The following DLGAP5 variants were observed in gnomAD, a reference collection of about 807,000 sequenced individuals.
DLGAP5 encodes the protein disks large-associated protein 5.
A neutral mutation model predicts 99.6 loss-of-function variants in DLGAP5; 90 were observed. The ratio of observed to expected loss-of-function variants is 0.90; its 90% confidence interval spans 0.76 to 1.08. The LOEUF is 1.08. DLGAP5 is among the 50% of genes least tolerant of loss of function. DLGAP5 has a pLI of 0.00. For missense variants in DLGAP5, 1,036 were observed against 983.5 expected, an observed-to-expected ratio of 1.05 and a Z score of -0.71; for synonymous variants, 311 against 321.3, an observed-to-expected ratio of 0.97 and a Z score of 0.34.
chr14:55,169,547 A>T lies in DLGAP5; in HGVS notation c.1400T>A (p.Ile467Asn). 6.3e-7 allele frequency: 1 copy of T among 1,587,064 alleles called. No homozygotes were observed. Among genetic ancestry groups the T allele is most frequent in the Non-Finnish European group, 8.5e-7 (1 of 1,173,140 alleles). Residue 467 changes from isoleucine (I) to asparagine (N), a missense_variant, in exon 12 of 19, where the codon ATT becomes AAT. By Grantham distance (149) the Ile-to-Asn change is moderately radical (BLOSUM62 -3). Coordinates refer to ENST00000247191, the MANE Select transcript of DLGAP5 (RefSeq NM_014750.5). ...LDIPDDAKDLIRTAVGQTRLL... is the reference protein window; with the variant it reads ...LDIPDDAKDLNRTAVGQTRLL... ...TCTTGTTTGACCAACTGCTGTGCGA[A>T]TAAGATCTTTAGCTGAAGGAAATAA...
In DLGAP5 at chr14:55,156,008, G is replaced by A. The variant is rs374411802; in HGVS notation, c.1874-1202C>T. Among the ~76,000 whole-genome samples, 27 of 151,870 alleles carry A rather than the reference G, an allele frequency of 1.8e-4. No homozygotes were observed. The South Asian group carries it at 3.1e-3, about 18-fold the overall frequency. On this transcript the variant is annotated intron_variant, in intron 14 of 18. Transcript: ENST00000247191. ...TGGGAGGCTGAGGTAGGAGAATGGCGTGAACCCAGGAGGCGGAGCTTGCAG... is the reference window on the plus strand; with the variant it reads ...TGGGAGGCTGAGGTAGGAGAATGGCATGAACCCAGGAGGCGGAGCTTGCAG...
intron 11 of DLGAP5, 37 bp from the exon 12 acceptor site, chr14:55,169,596 A>G: frequency 6.7e-7 from 1 of 1,498,094 alleles, no homozygotes; most frequent in Non-Finnish European, 8.9e-7. Context: ...ATTAAAGGAC[A>G]AAACGGGACA....
intron 2 of DLGAP5, among the ~76,000 whole-genome samples, chr14:55,188,302 A>G (rs1158743494): frequency 6.6e-6 from 1 of 152,026 alleles, no homozygotes; most frequent in African/African-American, 2.4e-5. Flanking sequence ...CTCTATTTTC[A>G]TCTTTTTCTG....
intron 2 of DLGAP5, among the ~76,000 whole-genome samples, chr14:55,185,011 A>C (rs1020552547): frequency 6.6e-6 from 1 of 152,172 alleles, no homozygotes; most frequent in East Asian, 1.9e-4. Flanking sequence ...TCACCTACTC[A>C]AGGACATTCT....
intron 13 of DLGAP5, among the ~76,000 whole-genome samples, chr14:55,160,947 A>C (rs909120610): frequency 6.8e-6 from 1 of 147,622 alleles, no homozygotes; most frequent in Non-Finnish European, 1.5e-5. Context: ...GGGGTGTACA[A>C]GTAATTAAAG....
intron 2 of DLGAP5, among the ~76,000 whole-genome samples, chr14:55,186,545 C>G (rs1883443281): frequency 6.6e-6 from 1 of 152,148 alleles, no homozygotes; most frequent in South Asian, 2.1e-4. Context: ...GTCTTACTGA[C>G]AAAAGGTAGT....
At chr14:55,174,034 C>T (rs958688939) in intron 10 of DLGAP5, among the ~76,000 whole-genome samples, 3 of 152,176 alleles carry the variant, frequency 2.0e-5, no homozygotes, top group Admixed American at 6.5e-5. Flanking sequence ...CTCTGGCCGC[C>T]GGTGAGCCGG....
At chr14:55,175,227 C>A in intron 10 of DLGAP5, 119 bp downstream of exon 10, 2 of 806,850 alleles carry the variant, frequency 2.5e-6, no homozygotes, top group Non-Finnish European at 3.9e-6. Context: ...AAAATTTAAA[C>A]GTGAAAATCA....
chr14:55,161,659 C>T (rs1278780669), intron 13 of DLGAP5, among the ~76,000 whole-genome samples: 3 of 151,170 alleles, frequency 2.0e-5, no homozygotes, highest in Non-Finnish European at 4.4e-5. Context: ...ATCTGCCCGC[C>T]TCAGCCGCCC....
rs1882026372 is a variant in DLGAP5 at position 55,151,751 on chromosome 14, T to C, written c.2312A>G (p.Asn771Ser). Reference sequence around the variant, plus strand: ...TAAGATGCTATTTTGTGAAGCTGTATTTTTTTCAGGGCTACTCATCAAAAC... The same window carrying C: ...TAAGATGCTATTTTGTGAAGCTGTACTTTTTTCAGGGCTACTCATCAAAAC... Reference protein sequence around the residue: ...QDVLMSSPEKNTASQNSILEE... With the variant: ...QDVLMSSPEKSTASQNSILEE... The change falls in exon 17 of 19, where the codon AAT becomes AGT. Residue 771 changes from asparagine to serine, a missense_variant. By Grantham distance (46) the Asn-to-Ser change is conservative. Coordinates refer to ENST00000247191, the MANE Select transcript of DLGAP5 (RefSeq NM_014750.5). The C allele has an allele frequency of 6.2e-7, 1 of 1,613,922 alleles. No homozygotes were observed. The highest frequency in any genetic ancestry group is 1.7e-5 in the Admixed American group (1 of 60,020).
At chr14:55,173,355 C>G (rs1263841703) in intron 10 of DLGAP5, among the ~76,000 whole-genome samples, 1 of 150,678 alleles carries the variant, frequency 6.6e-6, no homozygotes, top group South Asian at 2.1e-4. Context: ...GAGCTCAGGA[C>G]AGAGAGGCTG....
rs1407886020 is a variant in DLGAP5 at position 55,169,556 on chromosome 14, T to G, written c.1391A>C (p.Lys464Thr). The change falls in exon 12 of 19, where the codon AAA (lysine) becomes ACA (threonine). Residue 464 changes from lysine (K) to threonine (T), a missense_variant. Coordinates refer to ENST00000247191, the MANE Select transcript of DLGAP5 (RefSeq NM_014750.5). ...KLELDIPDDA[K>T]DLIRTAVGQT... The stretch of plus-strand genomic sequence containing the variant: ...ACCAACTGCTGTGCGAATAAGATCT[T>G]TAGCTGAAGGAAATAAGAGATTTTT... 1 of 1,582,236 alleles carries G rather than the reference T, an allele frequency of 6.3e-7. No individual in the cohort carries two copies. The highest frequency in any genetic ancestry group is 2.0e-5 in the Admixed American group (1 of 49,406).
At chr14:55,188,022 G>A (rs1883486821) in intron 2 of DLGAP5, among the ~76,000 whole-genome samples, 1 of 152,130 alleles carries the variant, frequency 6.6e-6, no homozygotes, top group South Asian at 2.1e-4. Flanking sequence ...ATAGCATACT[G>A]AGATAGTTAG....
Position 55,159,960 on chromosome 14 carries a change from T to C in DLGAP5, c.1654-1219A>G, listed in dbSNP as rs192581538. Among the ~76,000 whole-genome samples, 15 of 152,330 alleles carry C rather than the reference T, an allele frequency of 9.8e-5. No individual in the cohort carries two copies. The East Asian group carries it at 2.5e-3, about 25-fold the overall frequency. ...GCTCACAACTGTAATCCCCGCACTT[T>C]GGGAGGCTGAGGCAGGAGGATCACT... On this transcript the variant is annotated intron_variant, in intron 13 of 18. Coordinates refer to ENST00000247191, the MANE Select transcript of DLGAP5 (RefSeq NM_014750.5).
At chr14:55,157,920 G>C (rs1882269502) in intron 14 of DLGAP5, among the ~76,000 whole-genome samples, 1 of 152,084 alleles carries the variant, frequency 6.6e-6, no homozygotes, top group Non-Finnish European at 1.5e-5. Flanking sequence ...GTACTGCCAG[G>C]CTCGGTTAAT....
intron 12 of DLGAP5, among the ~76,000 whole-genome samples, chr14:55,168,311 C>T (rs971345575): frequency 6.6e-6 from 1 of 152,160 alleles, no homozygotes; most frequent in Admixed American, 6.6e-5. Flanking sequence ...TCTCATATTG[C>T]TTAACTTCAA....
intron 12 of DLGAP5, among the ~76,000 whole-genome samples, chr14:55,163,335 G>A (rs888741263): frequency 6.6e-6 from 1 of 152,116 alleles, no homozygotes; most frequent in Admixed American, 6.5e-5. Flanking sequence ...TGACTAAAAT[G>A]CTAAAATGGT....
Position 55,152,685 on chromosome 14 carries a change from T to C in DLGAP5, c.2064-38A>G, listed in dbSNP as rs1487215915. 7 of 1,493,110 alleles carry C rather than the reference T, an allele frequency of 4.7e-6. 1 individual carries two copies. In the African/African-American group the frequency reaches 5.6e-5, roughly 12 times the overall value. The allele number at this position is 1,493,110 out of a possible 1,614,324, so 92.5% of individuals were successfully genotyped here. A position where few individuals can be genotyped will look rare whatever the true frequency, so the allele number is the denominator to read the frequency against. ...AAAAGCAGCATTACACTCATAAACA[T>C]ATTGTTATTGTTTCACTTGTATTTT... On this transcript the variant is annotated intron_variant, in intron 15 of 18. Coordinates refer to ENST00000247191, the MANE Select transcript of DLGAP5 (RefSeq NM_014750.5).
At position 55,158,573 on chromosome 14, in the gene DLGAP5, C is replaced by T; in HGVS notation, c.1822G>A (p.Val608Met). ...ACTCTGAAAAATCCAGCATCGAACACTATTTTATCAACTTCCTTTGGTATC... is the reference window on the plus strand; with the variant it reads ...ACTCTGAAAAATCCAGCATCGAACATTATTTTATCAACTTCCTTTGGTATC... ...SVIPKEVDKI[V>M]FDAGFFRVES... The change falls in exon 14 of 19, where the codon GTG becomes ATG. Residue 608 changes from valine to methionine, a missense_variant. Physicochemically the swap from Val to Met is conservative, Grantham distance 21. Transcript: ENST00000247191. 1 of 1,614,138 alleles carries T rather than the reference C, an allele frequency of 6.2e-7. No homozygotes were observed. Among genetic ancestry groups the T allele is most frequent in the Non-Finnish European group, 8.5e-7 (1 of 1,180,014 alleles).
Sources: gnomAD v4.1 joint callset for allele counts (sites outside exome capture counted in the v4.1 genomes callset) on GRCh38, gnomAD v4.1.1 for gene constraint, MANE v1.5 for transcripts, NCBI Gene and HGNC (gene_info 2026-07-23, HGNC 2026-07-21) for gene names.